CWH43: variants seen among roughly 807,000 people sequenced by gnomAD.
The protein encoded by CWH43 is cell wall biogenesis 43 C-terminal homolog, also known as PGAP2-interacting protein.
In CWH43, 91 loss-of-function variants were observed where a neutral mutation model predicts 85.7. That is an observed-to-expected ratio of 1.06 (90% CI 0.90 to 1.26). CWH43 has a LOEUF of 1.26. CWH43 is among the 50% of genes most tolerant of loss of function. CWH43 has a pLI of 0.00. For missense variants in CWH43, 869 were observed against 839.2 expected (o/e 1.04, Z -0.44); for synonymous variants, 323 against 293.6 (o/e 1.10, Z -1.02).
intron 15 of CWH43, 134 bp from the exon 16 acceptor site, chr4:49,061,678 T>C: frequency 2.6e-6 from 2 of 772,938 alleles, no homozygotes; most frequent in African/African-American, 1.8e-5. Flanking sequence ...TTAGTTTGCC[T>C]TTCCTATATG....
chr4:48,996,123 C>G (rs770721791), intron 5 of CWH43, among the ~76,000 whole-genome samples: 1 of 152,174 alleles, frequency 6.6e-6, no homozygotes, highest in Non-Finnish European at 1.5e-5. Flanking sequence ...CCTGTCCCCC[C>G]TCTGCCTGGG....
At chr4:48,994,927 A>C in intron 5 of CWH43, 107 bp downstream of exon 5, 1 of 879,594 alleles carries the variant, frequency 1.1e-6, no homozygotes, top group Non-Finnish European at 1.9e-6. Context: ...ATTTCATACC[A>C]CTCTCCCTAG....
At chr4:49,053,409 A>G (rs1415447113) in intron 15 of CWH43, among the ~76,000 whole-genome samples, 4 of 152,210 alleles carry the variant, frequency 2.6e-5, no homozygotes, top group African/African-American at 9.6e-5. Flanking sequence ...CATTCCCACA[A>G]CAGTGAACAA....
At chr4:48,989,691 T>C (rs1342966774) in intron 2 of CWH43, among the ~76,000 whole-genome samples, 2 of 152,190 alleles carry the variant, frequency 1.3e-5, no homozygotes, top group African/African-American at 4.8e-5. Context: ...CCCACAGTGC[T>C]GAGATTATAG....
chr4:49,043,771 A>G (rs1230536061), intron 13 of CWH43, among the ~76,000 whole-genome samples: 1 of 152,080 alleles, frequency 6.6e-6, no homozygotes. Context: ...TCCCAATACT[A>G]AAGTTTTCTA....
intron 1 of CWH43, 149 bp from the exon 2 acceptor site, chr4:48,988,328 C>A: frequency 2.1e-6 from 1 of 473,950 alleles, no homozygotes; most frequent in Non-Finnish European, 3.6e-6. Context: ...TGTTTTGTTC[C>A]ATGTCAGTGG....
chr4:49,057,298 C>T lies in CWH43; in HGVS notation c.2022-4514C>T, dbSNP rs190571424. Among the ~76,000 whole-genome samples, 1,126 of 152,188 alleles carry T rather than the reference C, an allele frequency of 7.4e-3. 20 individuals are homozygous for T. The highest frequency in any genetic ancestry group is 0.035 in the Admixed American group (538 of 15,284). On this transcript the variant is annotated intron_variant, in intron 15 of 15. Transcript: ENST00000226432. Reference sequence around the variant, plus strand: ...ACATAAGATGAACATTGGTTCAGTCCGGGAAGGCAGGACAACTGGAAGCAA... The same window carrying T: ...ACATAAGATGAACATTGGTTCAGTCTGGGAAGGCAGGACAACTGGAAGCAA...
At chr4:49,002,458 C>G (rs1345679868) in intron 6 of CWH43, among the ~76,000 whole-genome samples, 1 of 152,114 alleles carries the variant, frequency 6.6e-6, no homozygotes, top group African/African-American at 2.4e-5. Context: ...ATATGTGGTA[C>G]AATTCCATTT....
At chr4:49,028,027 A>G (rs1783973287) in intron 9 of CWH43, among the ~76,000 whole-genome samples, 1 of 152,176 alleles carries the variant, frequency 6.6e-6, no homozygotes. Context: ...CAATATGTTG[A>G]AGGCCCCTCT....
At chr4:49,002,674 G>T (rs1577661463) in intron 6 of CWH43, among the ~76,000 whole-genome samples, 1 of 152,246 alleles carries the variant, frequency 6.6e-6, no homozygotes, top group East Asian at 1.9e-4. Flanking sequence ...ATCTCCCTAT[G>T]GAGTTAAACT....
chr4:49,061,467 T>G (rs1358615953), intron 15 of CWH43, among the ~76,000 whole-genome samples: 1 of 152,224 alleles, frequency 6.6e-6, no homozygotes, highest in African/African-American at 2.4e-5. Flanking sequence ...TCTGCCAAAA[T>G]AGATTTTTAT....
In CWH43 at chr4:49,030,944, A is replaced by G. The variant is rs368556831; in HGVS notation, c.1492A>G (p.Arg498Gly). ...GFYTDFGPST[R>G]YHTWGIMALS... ...CTATACAGACTTTGGTCCAAGCACAAGGTATCACACTTGGGGGTGAGTATA... is the reference window on the plus strand; with the variant it reads ...CTATACAGACTTTGGTCCAAGCACAGGGTATCACACTTGGGGGTGAGTATA... Residue 498 changes from arginine to glycine, a missense_variant, in exon 11 of 16, where the codon AGG (arginine) becomes GGG (glycine). Physicochemically the swap from Arg to Gly is moderately radical, Grantham distance 125. Around this residue, in one of 3 missense-constraint regions of CWH43, gnomAD observed 577 missense variants for 513.1 expected, o/e 1.12. Transcript: ENST00000226432. 2.5e-6 allele frequency: 4 copies of G among 1,600,758 alleles called. No homozygotes were observed. Among genetic ancestry groups the G allele is most frequent in the African/African-American group, 2.7e-5 (2 of 73,932 alleles).
chr4:49,002,961 T>C (rs1577661720), intron 6 of CWH43, among the ~76,000 whole-genome samples: 2 of 152,136 alleles, frequency 1.3e-5, no homozygotes, highest in African/African-American at 4.8e-5. Flanking sequence ...TGGATTGGAA[T>C]GTTTCAAAAA....
rs756673155 is a variant in CWH43 at position 49,007,293 on chromosome 4, C to T, written c.1153C>T (p.Leu385Phe). Residue 385 changes from leucine (L) to phenylalanine (F), a missense_variant, in exon 8 of 16, where the codon CTT becomes TTT. Leu to Phe is a conservative substitution (Grantham distance 22). This residue lies in a region of CWH43 where 577 missense variants were observed against 513.1 expected (regional missense o/e 1.12). Transcript: ENST00000226432. Reference sequence around the variant, plus strand: ...TCAAACAAAAAACAGTTCTAAAGTGCTTTTCAGAAAGAGTGAAAAATACAT... The same window carrying T: ...TCAAACAAAAAACAGTTCTAAAGTGTTTTTCAGAAAGAGTGAAAAATACAT... ...LLQTKNSSKV[L>F]FRKSEKYMKL... 8.1e-6 allele frequency: 13 copies of T among 1,606,634 alleles called. No homozygotes were observed. In the Admixed American group the frequency reaches 1.2e-4, roughly 15 times the overall value.
rs1784555019 is a variant in CWH43 at position 49,044,323 on chromosome 4, G to A, written c.1804-463G>A. On this transcript the variant is annotated intron_variant, in intron 13 of 15. Coordinates refer to ENST00000226432, the MANE Select transcript of CWH43 (RefSeq NM_025087.3). ...CTCAATGCCAGGTTTTATGCTAAGT[G>A]ACAGGTTGGACAAAAGTGATTAAGA... Among the ~76,000 whole-genome samples the A allele has an allele frequency of 2.0e-5, 3 of 152,162 alleles. No homozygotes were observed. In the South Asian group the frequency reaches 6.2e-4, roughly 32 times the overall value.
intron 14 of CWH43, among the ~76,000 whole-genome samples, chr4:49,045,598 A>G (rs555931566): frequency 1.3e-5 from 2 of 152,296 alleles, no homozygotes; most frequent in African/African-American, 4.8e-5. Flanking sequence ...GTAGCCTAGG[A>G]GCAATAGGCC....
chr4:49,054,708 A>G (rs1784898404), intron 15 of CWH43, among the ~76,000 whole-genome samples: 1 of 152,100 alleles, frequency 6.6e-6, no homozygotes, highest in Non-Finnish European at 1.5e-5. Flanking sequence ...TTTTCAGTGT[A>G]CAGGTGTTTC....
chr4:49,004,490 G>T (rs1560490528), intron 7 of CWH43, among the ~76,000 whole-genome samples: 1 of 152,154 alleles, frequency 6.6e-6, no homozygotes, highest in African/African-American at 2.4e-5. Flanking sequence ...GGGCTCAAGC[G>T]ATCCTTCTAC....
chr4:49,003,734 G>A lies in CWH43; in HGVS notation c.803-1G>A, dbSNP rs867709153. The A allele has an allele frequency of 3.7e-6, 6 of 1,613,684 alleles. No individual in the cohort carries two copies. The highest frequency in any genetic ancestry group is 3.4e-6 in the Non-Finnish European group (4 of 1,179,838). On this transcript the variant is annotated splice_acceptor_variant, in intron 6 of 15. Transcript: ENST00000226432. LOFTEE classifies it high-confidence loss of function. Reference sequence around the variant, plus strand: ...CTGATTCTTTTCTCTCTCACAAACAGGAACAGCTTCAGCTGCGGGGCTCCT... The same window carrying A: ...CTGATTCTTTTCTCTCTCACAAACAAGAACAGCTTCAGCTGCGGGGCTCCT...
Sources: gnomAD v4.1 joint callset for allele counts (sites outside exome capture counted in the v4.1 genomes callset) on GRCh38, gnomAD v4.1.1 for gene constraint, gnomAD v4.1.1 regional missense constraint, MANE v1.5 for transcripts, NCBI Gene and HGNC (gene_info 2026-07-23, HGNC 2026-07-21) for gene names.